Variants in HECTD2 observed in about 807,000 individuals in gnomAD.
The protein encoded by HECTD2 is probable E3 ubiquitin-protein ligase HECTD2.
In HECTD2, 35 loss-of-function variants were observed where a neutral mutation model predicts 103.2. The observed-to-expected ratio is 0.34, with a 90% CI of 0.26 to 0.45. The LOEUF (loss-of-function observed/expected upper bound fraction) is 0.45. Ranked by LOEUF, HECTD2 falls within the 20% of genes least tolerant of loss-of-function variation. HECTD2 has a pLI of 1.00. For synonymous variants in HECTD2, 281 were observed against 329.9 expected, an observed-to-expected ratio of 0.85 and a Z score of 1.61; for missense variants, 596 against 937.4, an observed-to-expected ratio of 0.64 and a Z score of 4.76.
intron 1 of HECTD2, among the ~76,000 whole-genome samples, chr10:91,415,353 ATGTT>A (rs1843082380): frequency 6.6e-6 from 1 of 152,172 alleles, no homozygotes; most frequent in African/African-American, 2.4e-5. Flanking sequence ...TATGGTGATG[ATGTT>A]TAAGTAATTG....
At chr10:91,482,227 T>C (rs1846114039) in intron 7 of HECTD2, among the ~76,000 whole-genome samples, 1 of 151,898 alleles carries the variant, frequency 6.6e-6, no homozygotes, top group South Asian at 2.1e-4. Context: ...ATAAGTCAGT[T>C]TTGAAAAACA....
chr10:91,498,789 G>A (rs1846780308), intron 16 of HECTD2, 83 bp from the exon 17 acceptor site: 1 of 804,526 alleles, frequency 1.2e-6, no homozygotes, highest in Admixed American at 2.6e-5. Flanking sequence ...GAAAAAAACT[G>A]TTTTTTAAAT....
chr10:91,422,283 C>T (rs1843389370), intron 1 of HECTD2, among the ~76,000 whole-genome samples: 1 of 152,150 alleles, frequency 6.6e-6, no homozygotes. Flanking sequence ...CTAAATACTA[C>T]TGTTGCTTAG....
At chr10:91,434,287 A>T (rs1844022355) in intron 2 of HECTD2, among the ~76,000 whole-genome samples, 1 of 151,956 alleles carries the variant, frequency 6.6e-6, no homozygotes, top group South Asian at 2.1e-4. Context: ...TCCTTGTTTC[A>T]GCTGCCTGCC....
chr10:91,450,025 C>A (rs759890574), intron 2 of HECTD2, among the ~76,000 whole-genome samples: 1 of 152,168 alleles, frequency 6.6e-6, no homozygotes, highest in African/African-American at 2.4e-5. Flanking sequence ...TTAGAAAAAA[C>A]TACTTTACAT....
intron 5 of HECTD2, among the ~76,000 whole-genome samples, chr10:91,465,572 T>G (rs1845502307): frequency 6.6e-6 from 1 of 151,976 alleles, no homozygotes; most frequent in African/African-American, 2.4e-5. Flanking sequence ...TTTTTTTTTT[T>G]TAAGATGTTC....
chr10:91,471,322 A>C (rs1480440311), intron 5 of HECTD2, among the ~76,000 whole-genome samples: 2 of 152,204 alleles, frequency 1.3e-5, no homozygotes, highest in African/African-American at 4.8e-5. Context: ...AACATGCCTC[A>C]AAATAATAGG....
chr10:91,474,237 A>G (rs1845829461), intron 5 of HECTD2, among the ~76,000 whole-genome samples: 1 of 152,176 alleles, frequency 6.6e-6, no homozygotes, highest in African/African-American at 2.4e-5. Context: ...AAGTGAGTTG[A>G]ATGAAAACAA....
intron 15 of HECTD2, among the ~76,000 whole-genome samples, 189 bp from the exon 16 acceptor site, chr10:91,497,919 C>G (rs1175117057): frequency 6.6e-6 from 1 of 152,056 alleles, no homozygotes; most frequent in African/African-American, 2.4e-5. Context: ...GATAGTTTCC[C>G]CATCTATGAC....
intron 1 of HECTD2, among the ~76,000 whole-genome samples, chr10:91,419,584 T>C (rs911182147): frequency 6.6e-6 from 1 of 152,200 alleles, no homozygotes; most frequent in African/African-American, 2.4e-5. Context: ...TTTGCAACGT[T>C]TATTGAATTC....
intron 15 of HECTD2, 38 bp from the exon 16 acceptor site, chr10:91,498,070 T>G: frequency 7.3e-7 from 1 of 1,369,688 alleles, no homozygotes; most frequent in Non-Finnish European, 1.0e-6. Flanking sequence ...GCTAATGCTA[T>G]TCTATTGAAA....
At chr10:91,501,508 AG>A (rs1232353489) in intron 20 of HECTD2, among the ~76,000 whole-genome samples, 174 bp downstream of exon 20, 1 of 152,114 alleles carries the variant, frequency 6.6e-6, no homozygotes, top group Admixed American at 6.6e-5. Context: ...TTCTCTTACT[AG>A]TTTTTGAGAC....
chr10:91,450,404 C>T (rs112725424), intron 2 of HECTD2, among the ~76,000 whole-genome samples: 5,067 of 152,170 alleles, frequency 0.033, 189 homozygotes, highest in African/African-American at 0.084. Flanking sequence ...AAATGTAAAA[C>T]CTAATACTGT....
intron 8 of HECTD2, among the ~76,000 whole-genome samples, chr10:91,483,679 C>T (rs1284978258): frequency 6.6e-6 from 1 of 151,760 alleles, no homozygotes; most frequent in Non-Finnish European, 1.5e-5. Context: ...ATAATGTCAC[C>T]ACAAACATGG....
At position 91,425,383 on chromosome 10, in the gene HECTD2, C is replaced by T. The variant is rs745516046; in HGVS notation, c.241C>T (p.His81Tyr). ...EAAENRSSPA[H>Y]LVFPNIKNVR... ...TGCTGAAAACAGAAGTTCACCTGCA[C>T]ATCTTGTTTTCCCTAACATCAAGAA... Residue 81 changes from histidine to tyrosine, a missense_variant, in exon 2 of 21, where the codon CAT becomes TAT. Physicochemically the swap from His to Tyr is moderately conservative, Grantham distance 83. Coordinates refer to ENST00000298068, the MANE Select transcript of HECTD2 (RefSeq NM_182765.6). 1.3e-6 allele frequency: 2 copies of T among 1,570,974 alleles called. No homozygotes were observed. The highest frequency in any genetic ancestry group is 1.2e-5 in the South Asian group (1 of 83,078).
intron 20 of HECTD2, 89 bp from the exon 21 acceptor site, chr10:91,512,175 G>A: frequency 6.7e-6 from 9 of 1,333,394 alleles, no homozygotes; most frequent in South Asian, 5.2e-5. Flanking sequence ...AGATTTGAAT[G>A]TGTGTGTCCT....
chr10:91,410,712 CCCTT>C (rs1304532280), intron 1 of HECTD2, 136 bp downstream of exon 1: 15 of 790,032 alleles, frequency 1.9e-5, no homozygotes, highest in Non-Finnish European at 2.4e-5. Context: ...ACTCAGGCCG[CCCTT>C]CCTTGGGCAG....
intron 16 of HECTD2, 113 bp downstream of exon 16, chr10:91,498,295 T>TA (rs1846762252): frequency 1.4e-6 from 1 of 715,756 alleles, no homozygotes; most frequent in Admixed American, 2.2e-5. Flanking sequence ...AACCAATACA[T>TA]ACAATCCTCT....
chr10:91,480,244 T>G (rs1026170407), intron 6 of HECTD2, among the ~76,000 whole-genome samples: 1 of 152,058 alleles, frequency 6.6e-6, no homozygotes, highest in Non-Finnish European at 1.5e-5. Flanking sequence ...CCTGATAATT[T>G]ATGCAGGCAT....
Sources: gnomAD v4.1 joint callset for allele counts (sites outside exome capture counted in the v4.1 genomes callset) on GRCh38, gnomAD v4.1.1 for gene constraint, MANE v1.5 for transcripts, NCBI Gene and HGNC (gene_info 2026-07-23, HGNC 2026-07-21) for gene names.